FYN: variants seen among roughly 807,000 people sequenced by gnomAD.
FYN encodes the protein tyrosine-protein kinase Fyn.
FYN carries 10 observed loss-of-function variants against 70.2 expected under a neutral mutation model. The ratio of observed to expected loss-of-function variants is 0.14; its 90% CI spans 0.09 to 0.24. The LOEUF (loss-of-function observed/expected upper bound fraction) is 0.24, where lower values mean the gene tolerates loss of function less well. FYN is among the 10% of genes least tolerant of loss of function. The pLI is 1.00. For synonymous variants in FYN, 236 were observed against 248.6 expected (o/e 0.95, Z 0.48); for missense variants, 319 against 673.1 (o/e 0.47, Z 5.82).
chr6:111,788,895 GCTCTGAGAAGGCAACACTGAC>G (rs961596880), intron 2 of FYN, among the ~76,000 whole-genome samples: 32 of 152,170 alleles, frequency 2.1e-4, no homozygotes, highest in African/African-American at 7.7e-4. Context: ...TGGGAGGGGT[GCTCTGAGAAGGCAACACTGAC>G]CCATCTGCTT....
At chr6:111,719,628 G>T in intron 4 of FYN, 177 bp downstream of exon 4, 1 of 714,480 alleles carries the variant, frequency 1.4e-6, no homozygotes, top group Non-Finnish European at 2.2e-6. Flanking sequence ...CAAGCATTTT[G>T]TTTGTACATC....
At chr6:111,727,975 C>T (rs1024753887) in intron 3 of FYN, among the ~76,000 whole-genome samples, 12 of 152,078 alleles carry the variant, frequency 7.9e-5, no homozygotes, top group African/African-American at 2.9e-4. Flanking sequence ...CTCAAAAGCG[C>T]TCAATAAAAG....
chr6:111,825,434 A>G (rs1186172349), intron 2 of FYN, among the ~76,000 whole-genome samples: 1 of 152,226 alleles, frequency 6.6e-6, no homozygotes, highest in Non-Finnish European at 1.5e-5. Flanking sequence ...TTTCTCTATC[A>G]CAGGATACCA....
chr6:111,754,579 G>C (rs536554930), intron 3 of FYN: 6 of 152,144 alleles, frequency 3.9e-5, no homozygotes, highest in Admixed American at 3.9e-4. Context: ...TCCTTGAGCA[G>C]TATGCTGTTT....
intron 9 of FYN, among the ~76,000 whole-genome samples, chr6:111,698,481 A>C (rs1361235445): frequency 1.3e-5 from 2 of 152,182 alleles, no homozygotes; most frequent in East Asian, 3.9e-4. Flanking sequence ...ATCTATACCC[A>C]CACGTAGCAA....
At chr6:111,775,718 AG>A (rs1472116996) in intron 3 of FYN, among the ~76,000 whole-genome samples, 2 of 152,168 alleles carry the variant, frequency 1.3e-5, no homozygotes, top group Non-Finnish European at 2.9e-5. Context: ...TTAAGAATAA[AG>A]TCACACACCC....
chr6:111,711,832 A>G (rs1800394228), intron 5 of FYN, among the ~76,000 whole-genome samples: 2 of 152,216 alleles, frequency 1.3e-5, no homozygotes, highest in Admixed American at 1.3e-4. Context: ...ACTTCAGGAT[A>G]TTGTCTTGTT....
chr6:111,662,001 G>A (rs979240892), intron 13 of FYN, 54 bp from the exon 14 acceptor site: 18 of 1,416,162 alleles, frequency 1.3e-5, no homozygotes, highest in Admixed American at 4.1e-5. Context: ...GGCCCTGACC[G>A]CCGCACTTGC....
At chr6:111,822,291 T>C (rs1235189833) in intron 2 of FYN, among the ~76,000 whole-genome samples, 2 of 152,206 alleles carry the variant, frequency 1.3e-5, no homozygotes, top group South Asian at 2.1e-4. Context: ...CATGGAATAC[T>C]ATGCAGCCAT....
chr6:111,713,301 G>C (rs906962523), intron 5 of FYN, among the ~76,000 whole-genome samples: 1 of 152,146 alleles, frequency 6.6e-6, no homozygotes, highest in African/African-American at 2.4e-5. Context: ...TGTGCAGTGT[G>C]ACCAGGGCTG....
chr6:111,702,740 C>A, intron 8 of FYN, 145 bp downstream of exon 8: 3 of 672,872 alleles, frequency 4.5e-6, no homozygotes, highest in Non-Finnish European at 7.3e-6. Context: ...TACAGCCAAG[C>A]CCTACCATTA....
At chr6:111,805,913 C>G (rs1772131985) in intron 2 of FYN, among the ~76,000 whole-genome samples, 1 of 152,186 alleles carries the variant, frequency 6.6e-6, no homozygotes, top group Admixed American at 6.5e-5. Flanking sequence ...GGAGCTGGCT[C>G]TCACAGTAGT....
intron 7 of FYN, among the ~76,000 whole-genome samples, chr6:111,703,362 G>A (rs191088061): frequency 6.5e-4 from 99 of 152,294 alleles, no homozygotes; most frequent in African/African-American, 2.2e-3. Context: ...GAAGGACCAC[G>A]ATGAATGGCT....
Position 111,873,424 on chromosome 6 carries a change from CT to C in FYN, c.-580del, listed in dbSNP as rs1774347928. 4 of 151,940 alleles carry C rather than the reference CT, an allele frequency of 2.6e-5. No homozygotes were observed. Among genetic ancestry groups the C allele is most frequent in the Admixed American group, 2.6e-4 (4 of 15,284 alleles). The allele number at this position is 151,940 out of a possible 1,614,324, so 9.4% of individuals were successfully genotyped here. ...CGACGCGCCGCCGCCACCAGCGCGG[CT>C]GCTCGCTGCTACTCTTGCTGATGCT... is the stretch of plus-strand genomic sequence containing the variant. On this transcript the variant is annotated 5_prime_UTR_variant, in exon 1 of 14. Transcript: ENST00000354650.
chr6:111,826,522 C>T (rs1261676316), intron 2 of FYN, among the ~76,000 whole-genome samples: 1 of 151,824 alleles, frequency 6.6e-6, no homozygotes, highest in Non-Finnish European at 1.5e-5. Context: ...TGACTAATTT[C>T]GCTTCCTAAA....
At chr6:111,806,730 G>C (rs2114276094) in intron 2 of FYN, among the ~76,000 whole-genome samples, 1 of 152,284 alleles carries the variant, frequency 6.6e-6, no homozygotes, top group Non-Finnish European at 1.5e-5. Context: ...CCACTGCAGA[G>C]AGCTGCTGGC....
chr6:111,872,159 G>A (rs1463533903), intron 1 of FYN, among the ~76,000 whole-genome samples: 1 of 152,076 alleles, frequency 6.6e-6, no homozygotes, highest in Non-Finnish European at 1.5e-5. Context: ...TCTTCCCAGT[G>A]AGTCCCAGCA....
At chr6:111,820,635 C>T (rs1772628009) in intron 2 of FYN, among the ~76,000 whole-genome samples, 1 of 151,906 alleles carries the variant, frequency 6.6e-6, no homozygotes, top group Admixed American at 6.6e-5. Flanking sequence ...TGCAAAAATG[C>T]CAACATTCAT....
intron 3 of FYN, among the ~76,000 whole-genome samples, chr6:111,762,994 T>C (rs1803069729): frequency 6.6e-6 from 1 of 152,186 alleles, no homozygotes; most frequent in Non-Finnish European, 1.5e-5. Context: ...GGAGGTTTCA[T>C]CCACATGACA....
Sources: allele counts gnomAD v4.1 joint callset (sites outside exome capture counted in the v4.1 genomes callset), GRCh38; gene constraint gnomAD v4.1.1; transcripts MANE v1.5; gene names NCBI Gene and HGNC (gene_info 2026-07-23, HGNC 2026-07-21).